The following TAFA2 variants were observed in gnomAD, a reference collection of about 807,000 sequenced individuals.
The protein encoded by TAFA2 is TAFA chemokine like family member 2.
In TAFA2, 7 loss-of-function variants were observed where a neutral mutation model predicts 18.8. That is an observed-to-expected ratio of 0.37 (90% confidence interval 0.21 to 0.70). The LOEUF is 0.70. Ranked by LOEUF, TAFA2 falls within the 30% of genes least tolerant of loss-of-function variation. The pLI, the probability that TAFA2 is intolerant of heterozygous loss-of-function variation, is 0.53. For synonymous variants in TAFA2, 60 were observed against 54.2 expected (o/e 1.11, Z -0.47); for missense variants, 122 against 158.1 (o/e 0.77, Z 1.23).
intron 4 of TAFA2, among the ~76,000 whole-genome samples, chr12:61,712,367 T>C (rs549966804): frequency 1.1e-4 from 16 of 152,286 alleles, no homozygotes; most frequent in African/African-American, 3.6e-4. Context: ...GCTATTTACA[T>C]ATTAAAACTT....
rs1267130576 is a variant in TAFA2, at chr12:62,152,165, T to G, written c.-2+39094A>C. 2.0e-5 allele frequency among the ~76,000 whole-genome samples: 3 copies of G among 152,216 alleles called. No homozygotes were observed. In the East Asian group the frequency reaches 5.8e-4, roughly 29 times the overall value. Reference sequence around the variant, plus strand: ...AAGATGATCTCTAGAAGCTTTTTCCTGCCACACTCATTAGAGAGCATTTTT... The same window carrying G: ...AAGATGATCTCTAGAAGCTTTTTCCGGCCACACTCATTAGAGAGCATTTTT... On this transcript the variant is annotated intron_variant, in intron 1 of 4. Coordinates refer to ENST00000416284, the MANE Select transcript of TAFA2 (RefSeq NM_178539.5).
Position 62,192,617 on chromosome 12 carries a change from G to C in TAFA2, c.-1360C>G, listed in dbSNP as rs2062631329. On this transcript the variant is annotated 5_prime_UTR_variant, in exon 1 of 5. Transcript: ENST00000416284. ...AGCCTGGCTGTCCAGTGAGTACAGA[G>C]TGACTTGGCTCCCCCGTATAGTGCA... 1 of 152,404 alleles carries C rather than the reference G, an allele frequency of 6.6e-6. No individual in the cohort carries two copies. The highest frequency in any genetic ancestry group is 2.1e-4 in the South Asian group (1 of 4,840). 9.4% of individuals were successfully genotyped at this position (152,404 alleles called of 1,614,324 possible). A position where few individuals can be genotyped will look rare whatever the true frequency, so the allele number is the denominator to read the frequency against.
chr12:61,792,599 T>C lies in TAFA2; in HGVS notation c.107-37575A>G, dbSNP rs1251087299. Among the ~76,000 whole-genome samples, 3 of 150,508 alleles carry C rather than the reference T, an allele frequency of 2.0e-5. No individual in the cohort carries two copies. The Admixed American group carries it at 2.0e-4, about 10-fold the overall frequency. ...ATAGGTTAAAATGATAGAAAAAACA[T>C]ACCATGCAAACACTAAACATAGAAA... On this transcript the variant is annotated intron_variant, in intron 2 of 4. Coordinates refer to ENST00000416284, the MANE Select transcript of TAFA2 (RefSeq NM_178539.5).
In TAFA2 at chr12:61,869,056, A is replaced by G. The variant is rs117359675; in HGVS notation, c.-1-1630T>C. ...TTAGAGAATAGTGAGTCATTTGTAT[A>G]TGTTTGATCCTTAAGTGTTTGGGAG... is the stretch of plus-strand genomic sequence containing the variant. On this transcript the variant is annotated intron_variant, in intron 1 of 4. Transcript: ENST00000416284. Among the ~76,000 whole-genome samples the G allele has an allele frequency of 1.8e-3, 277 of 152,250 alleles. 1 individual carries two copies. The highest frequency in any genetic ancestry group is 3.3e-3 in the South Asian group (16 of 4,822).
At chr12:61,821,335 T>C (rs1872316019) in intron 2 of TAFA2, among the ~76,000 whole-genome samples, 1 of 152,088 alleles carries the variant, frequency 6.6e-6, no homozygotes, top group African/African-American at 2.4e-5. Context: ...TCTATTTTTA[T>C]TGGTTCCTTT....
At chr12:62,181,995 C>CCCT (rs1555196476) in intron 1 of TAFA2, among the ~76,000 whole-genome samples, 10 of 149,356 alleles carry the variant, frequency 6.7e-5, no homozygotes, top group Non-Finnish European at 1.2e-4. Flanking sequence ...GTCCATCCCC[C>CCCT]CCCCGCTACA....
At chr12:61,937,096 T>A (rs1101062) in intron 1 of TAFA2, among the ~76,000 whole-genome samples, 102,779 of 151,996 alleles carry the variant, frequency 0.68, 36,129 homozygotes, top group East Asian at 0.91. Context: ...GAATATACTT[T>A]AAAAAGAAGG....
chr12:61,806,864 G>A (rs1483427544), intron 2 of TAFA2, among the ~76,000 whole-genome samples: 1 of 152,134 alleles, frequency 6.6e-6, no homozygotes, highest in Admixed American at 6.5e-5. Flanking sequence ...GGTAACTGGT[G>A]GAAGAAAATG....
At chr12:62,173,669 G>C (rs1421555406) in intron 1 of TAFA2, among the ~76,000 whole-genome samples, 2 of 152,198 alleles carry the variant, frequency 1.3e-5, no homozygotes, top group Non-Finnish European at 2.9e-5. Flanking sequence ...ATTTAAACCT[G>C]TGTCCAAGTT....
chr12:62,019,838 A>T (rs192931634), intron 1 of TAFA2, among the ~76,000 whole-genome samples: 6 of 152,284 alleles, frequency 3.9e-5, no homozygotes, highest in African/African-American at 1.4e-4. Context: ...TTAAAAAAAT[A>T]GAATAAAATA....
At chr12:62,251,329 C>T (rs542217723) in intron 1 of TAFA2, among the ~76,000 whole-genome samples, 1 of 152,134 alleles carries the variant, frequency 6.6e-6, no homozygotes, top group African/African-American at 2.4e-5. Flanking sequence ...CTGCCAGGTG[C>T]CTTTGAAAAA....
At chr12:62,077,050 C>T (rs555382797) in intron 1 of TAFA2, among the ~76,000 whole-genome samples, 1 of 152,248 alleles carries the variant, frequency 6.6e-6, no homozygotes, top group Admixed American at 6.5e-5. Flanking sequence ...GAAAATATTG[C>T]AAATTCTTCT....
At chr12:62,165,185 G>A (rs1036679706) in intron 1 of TAFA2, among the ~76,000 whole-genome samples, 10 of 152,002 alleles carry the variant, frequency 6.6e-5, no homozygotes, top group African/African-American at 2.4e-4. Context: ...AGAATCTGAT[G>A]GCCTTTCCCA....
intron 1 of TAFA2, among the ~76,000 whole-genome samples, chr12:61,871,964 C>A (rs973244781): frequency 6.6e-6 from 1 of 152,130 alleles, no homozygotes; most frequent in Non-Finnish European, 1.5e-5. Context: ...TGGTGGCGGG[C>A]GCCTGTAGTC....
At chr12:61,926,711 C>T (rs1877309919) in intron 1 of TAFA2, among the ~76,000 whole-genome samples, 1 of 152,062 alleles carries the variant, frequency 6.6e-6, no homozygotes, top group South Asian at 2.1e-4. Flanking sequence ...ATAATAAGAG[C>T]TATTTATAAC....
intron 1 of TAFA2, among the ~76,000 whole-genome samples, chr12:62,111,010 T>C (rs1249955307): frequency 3.9e-5 from 6 of 152,118 alleles, no homozygotes; most frequent in Non-Finnish European, 8.8e-5. Context: ...CTCATCTTAG[T>C]TATTTGTCTT....
chr12:62,188,588 C>T (rs1224014811), intron 1 of TAFA2, among the ~76,000 whole-genome samples: 8 of 152,122 alleles, frequency 5.3e-5, no homozygotes, highest in Non-Finnish European at 1.2e-4. Flanking sequence ...AGATACATAT[C>T]TTACCCTTCC....
At chr12:61,880,867 G>A (rs912994978) in intron 1 of TAFA2, 13 of 201,728 alleles carry the variant, frequency 6.4e-5, no homozygotes, top group African/African-American at 2.6e-4. Context: ...GGGAACAGGA[G>A]ACCCACCTGA....
chr12:61,711,532 A>G (rs1399104746), intron 4 of TAFA2, among the ~76,000 whole-genome samples: 1 of 152,100 alleles, frequency 6.6e-6, no homozygotes, highest in Non-Finnish European at 1.5e-5. Context: ...TGTCCTTTGA[A>G]AAACATTACA....
Sources: allele counts gnomAD v4.1 joint callset (sites outside exome capture counted in the v4.1 genomes callset), GRCh38; gene constraint gnomAD v4.1.1; transcripts MANE v1.5; gene names NCBI Gene and HGNC (gene_info 2026-07-23, HGNC 2026-07-21).